The following DHX29 variants were observed in gnomAD, a reference collection of about 807,000 sequenced individuals.
The protein encoded by DHX29 is ATP-dependent RNA helicase DHX29.
Under a neutral mutation model 167.9 loss-of-function variants are expected in DHX29, and 79 were observed. The ratio of observed to expected loss-of-function variants is 0.47; its 90% CI spans 0.39 to 0.57. The LOEUF is 0.57. Ranked by LOEUF, DHX29 falls within the 20% of genes least tolerant of loss-of-function variation. DHX29 has a pLI of 0.00. For synonymous variants in DHX29, 530 were observed against 546.0 expected (o/e 0.97, Z 0.41); for missense variants, 1,347 against 1,593.4 (o/e 0.85, Z 2.63).
chr5:55,266,051 G>A lies in DHX29; in HGVS notation c.3525+1087C>T, dbSNP rs566938697. Among the ~76,000 whole-genome samples, 3 of 151,282 alleles carry A rather than the reference G, an allele frequency of 2.0e-5. No homozygotes were observed. In the South Asian group the frequency reaches 6.3e-4, roughly 32 times the overall value. ...GTCTCGTTCTGTCACCCAGATTGGA[G>A]TGCAGTGGTGCGATCTTGGCTCATT... is the stretch of plus-strand genomic sequence containing the variant. On this transcript the variant is annotated intron_variant, in intron 23 of 26. Transcript: ENST00000251636.
intron 21 of DHX29, 97 bp from the exon 22 acceptor site, chr5:55,267,919 C>G (rs1746661516): frequency 1.3e-6 from 1 of 774,992 alleles, no homozygotes; most frequent in Non-Finnish European, 1.8e-6. Context: ...AACAATCACA[C>G]TTTAAGTTGC....
rs1332680336 is a variant in DHX29, at chr5:55,307,662, G to T, written c.-89C>A. The stretch of plus-strand genomic sequence containing the variant: ...AGCTCTTCACATTCCCCGGCTCCGG[G>T]GCTGCCACCCTGCGCTTCGATCCGG... On this transcript the variant is annotated 5_prime_UTR_variant, in exon 1 of 27. Transcript: ENST00000251636. The T allele has an allele frequency of 6.6e-6, 10 of 1,514,436 alleles. No homozygotes were observed. In the South Asian group the frequency reaches 8.2e-5, roughly 12 times the overall value. The allele number at this position is 1,514,436 out of a possible 1,614,324, so 93.8% of individuals were successfully genotyped here. A position where few individuals can be genotyped will look rare whatever the true frequency, so the allele number is the denominator to read the frequency against.
At chr5:55,274,261 G>T (rs544541231) in intron 16 of DHX29, among the ~76,000 whole-genome samples, 1 of 152,154 alleles carries the variant, frequency 6.6e-6, no homozygotes, top group South Asian at 2.1e-4. Flanking sequence ...GCTGGGCGTA[G>T]TGGTGCACAA....
At chr5:55,273,219 T>C in intron 17 of DHX29, 74 bp downstream of exon 17, 1 of 1,437,406 alleles carries the variant, frequency 7.0e-7, no homozygotes, top group Non-Finnish European at 9.3e-7. Context: ...CTGTCTTTGA[T>C]GATAAAAAGT....
At chr5:55,294,948 T>C (rs1748237338) in intron 5 of DHX29, 1 of 154,542 alleles carries the variant, frequency 6.5e-6, no homozygotes, top group East Asian at 1.9e-4. Flanking sequence ...TCTTAAAATA[T>C]TCTTGGAAGC....
intron 13 of DHX29, 128 bp from the exon 14 acceptor site, chr5:55,276,534 T>A (rs922165305): frequency 3.1e-5 from 22 of 715,718 alleles, no homozygotes; most frequent in African/African-American, 3.8e-5. Flanking sequence ...TGAAAAAAAA[T>A]TTTTAGTATT....
rs965866604 is a variant in DHX29 at position 55,269,343 on chromosome 5, G to T, written c.3294+70C>A. 5.7e-5 allele frequency: 84 copies of T among 1,477,942 alleles called. No homozygotes were observed. In the South Asian group the frequency reaches 9.4e-4, roughly 16 times the overall value. 91.6% of individuals were successfully genotyped at this position (1,477,942 alleles called of 1,614,324 possible). On this transcript the variant is annotated intron_variant, in intron 21 of 26. Coordinates refer to ENST00000251636, the MANE Select transcript of DHX29 (RefSeq NM_019030.4). The stretch of plus-strand genomic sequence containing the variant: ...TTAAAAAAATTTTTACTTAACAATT[G>T]TTTCCAAACTTGTAATTTCCTGGTC...
chr5:55,282,793 G>C (rs958009280), intron 11 of DHX29, among the ~76,000 whole-genome samples: 12 of 151,300 alleles, frequency 7.9e-5, no homozygotes, highest in African/African-American at 2.2e-4. Context: ...AATTTATACT[G>C]TTTTTCCCTT....
At chr5:55,289,701 A>C (rs1404914615) in intron 7 of DHX29, among the ~76,000 whole-genome samples, 1 of 152,166 alleles carries the variant, frequency 6.6e-6, no homozygotes, top group Non-Finnish European at 1.5e-5. Context: ...AGGTGCAATA[A>C]GCCTGGAAAA....
chr5:55,293,321 ATTTG>A (rs1172016191), intron 6 of DHX29, among the ~76,000 whole-genome samples: 1 of 152,182 alleles, frequency 6.6e-6, no homozygotes, highest in Non-Finnish European at 1.5e-5. Flanking sequence ...CATGACAAGT[ATTTG>A]TTTAACTTTT....
intron 3 of DHX29, 36 bp downstream of exon 3, chr5:55,297,249 C>A: frequency 9.9e-7 from 1 of 1,012,196 alleles, no homozygotes. Context: ...AAATGCTTCA[C>A]TAAAACTAAG....
chr5:55,298,827 G>A (rs868329166), intron 1 of DHX29, among the ~76,000 whole-genome samples, 163 bp from the exon 2 acceptor site: 13 of 150,662 alleles, frequency 8.6e-5, no homozygotes, highest in East Asian at 5.8e-4. Context: ...TCAGGAGATC[G>A]AGACCATCCT....
At chr5:55,280,525 T>TG (rs1305601542) in intron 12 of DHX29, among the ~76,000 whole-genome samples, 1 of 152,168 alleles carries the variant, frequency 6.6e-6, no homozygotes, top group East Asian at 1.9e-4. Context: ...ATCTAGGTCT[T>TG]GGTCATACAA....
chr5:55,281,523 G>A lies in DHX29; in HGVS notation c.1966-8C>T, dbSNP rs186302375. 1.5e-4 allele frequency: 235 copies of A among 1,567,718 alleles called. 1 individual carries two copies. The highest frequency in any genetic ancestry group is 6.0e-4 in the Admixed American group (32 of 53,074). ...ATATCCACACAAGGAATTCTAAAGGGAGAACATAAGGCCTTGATTAGATTC... is the reference window on the plus strand; with the variant it reads ...ATATCCACACAAGGAATTCTAAAGGAAGAACATAAGGCCTTGATTAGATTC... On this transcript the variant is annotated splice_polypyrimidine_tract_variant and splice_region_variant and intron_variant, in intron 11 of 26. Coordinates refer to ENST00000251636, the MANE Select transcript of DHX29 (RefSeq NM_019030.4).
intron 6 of DHX29, among the ~76,000 whole-genome samples, chr5:55,290,944 G>A (rs1231172543): frequency 6.6e-6 from 1 of 152,176 alleles, no homozygotes; most frequent in Non-Finnish European, 1.5e-5. Flanking sequence ...GAACCTGGGA[G>A]GCAGAGGCTG....
At chr5:55,293,737 CT>C (rs1748165912) in intron 6 of DHX29, among the ~76,000 whole-genome samples, 1 of 152,066 alleles carries the variant, frequency 6.6e-6, no homozygotes, top group South Asian at 2.1e-4. Flanking sequence ...CGTGCCTTAT[CT>C]TTTTTTATTA....
chr5:55,274,084 C>G (rs1427146074), intron 16 of DHX29, among the ~76,000 whole-genome samples: 1 of 139,314 alleles, frequency 7.2e-6, no homozygotes, highest in Non-Finnish European at 1.5e-5. Context: ...AAGACTCTGC[C>G]TCAAAAAAAA....
intron 1 of DHX29, among the ~76,000 whole-genome samples, chr5:55,304,944 T>C (rs1312420274): frequency 2.0e-5 from 3 of 152,232 alleles, no homozygotes; most frequent in Non-Finnish European, 4.4e-5. Context: ...AAAAGCACCC[T>C]AAAATAAACC....
chr5:55,305,635 C>T (rs954746125), intron 1 of DHX29, among the ~76,000 whole-genome samples: 5 of 152,158 alleles, frequency 3.3e-5, no homozygotes, highest in Admixed American at 6.5e-5. Context: ...TAAAAGACTT[C>T]GTTGCTACTC....
Sources: allele counts gnomAD v4.1 joint callset (sites outside exome capture counted in the v4.1 genomes callset), GRCh38; gene constraint gnomAD v4.1.1; transcripts MANE v1.5; gene names NCBI Gene and HGNC (gene_info 2026-07-23, HGNC 2026-07-21).